The following TMEM30A variants were observed in gnomAD, a reference collection of about 807,000 sequenced individuals.
TMEM30A encodes cell cycle control protein 50A.
In TMEM30A, 24 loss-of-function variants were observed where a neutral mutation model predicts 38.2. That is an observed-to-expected ratio of 0.63 (90% CI 0.46 to 0.88). The LOEUF is 0.88. Ranked by LOEUF, TMEM30A falls within the 40% of genes least tolerant of loss-of-function variation. The pLI, the probability that TMEM30A is intolerant of heterozygous loss-of-function variation, is 0.00. For synonymous variants in TMEM30A, 145 were observed against 161.6 expected, an observed-to-expected ratio of 0.90 and a Z score of 0.78; for missense variants, 370 against 458.6, an observed-to-expected ratio of 0.81 and a Z score of 1.77.
intron 1 of TMEM30A, among the ~76,000 whole-genome samples, chr6:75,268,193 T>C (rs1235213342): frequency 6.6e-6 from 1 of 152,240 alleles, no homozygotes; most frequent in African/African-American, 2.4e-5. Flanking sequence ...GCTACTGTTT[T>C]TTCAACACCT....
chr6:75,256,024 G>T lies in TMEM30A; in HGVS notation c.*78C>A. ...CAACTTCAAAATGACATACTAACCA[G>T]ATATCAGCATTCGAAAGCTAGGTTG... On this transcript the variant is annotated 3_prime_UTR_variant, in exon 7 of 7. Transcript: ENST00000230461. 9.9e-7 allele frequency: 1 copy of T among 1,010,622 alleles called. No individual in the cohort carries two copies. The allele number at this position is 1,010,622 out of a possible 1,614,324, so 62.6% of individuals were successfully genotyped here. A position where few individuals can be genotyped will look rare whatever the true frequency, so the allele number is the denominator to read the frequency against.
chr6:75,278,813 T>C (rs1772306481), intron 1 of TMEM30A, among the ~76,000 whole-genome samples: 1 of 152,176 alleles, frequency 6.6e-6, no homozygotes, highest in South Asian at 2.1e-4. Context: ...CTCTTACTCC[T>C]ATTTTATCTA....
intron 3 of TMEM30A, among the ~76,000 whole-genome samples, chr6:75,264,246 C>T (rs1344146545): frequency 6.6e-6 from 1 of 152,200 alleles, no homozygotes; most frequent in Non-Finnish European, 1.5e-5. Flanking sequence ...CTGCTCACAA[C>T]ATAGTCCTAA....
chr6:75,284,363 C>G (rs560831671), intron 1 of TMEM30A, 39 bp downstream of exon 1: 1 of 1,595,806 alleles, frequency 6.3e-7, no homozygotes, highest in South Asian at 1.1e-5. Context: ...ACCCTCCTCC[C>G]GAGCAACGCC....
At chr6:75,259,664 T>G (rs1036530696) in intron 4 of TMEM30A, among the ~76,000 whole-genome samples, 174 bp from the exon 5 acceptor site, 2 of 152,258 alleles carry the variant, frequency 1.3e-5, no homozygotes, top group African/African-American at 4.8e-5. Context: ...GGTAACTTTA[T>G]AATTCTAGAT....
chr6:75,265,289 CGAT>C lies in TMEM30A; in HGVS notation c.392_394del (p.His131del). The C allele has an allele frequency of 6.2e-7, 1 of 1,611,538 alleles. No individual in the cohort carries two copies. Among genetic ancestry groups the C allele is most frequent in the Non-Finnish European group, 8.5e-7 (1 of 1,178,746 alleles). ...ATCATCTCGAGATTTCACGTAACGA[CGAT>C]GGTTTTGATAGAAATTAGACAGTCC... On this transcript the variant is annotated inframe_deletion, in exon 3 of 7. Coordinates refer to ENST00000230461, the MANE Select transcript of TMEM30A (RefSeq NM_018247.4).
chr6:75,254,101 A>C lies in TMEM30A; in HGVS notation c.*2001T>G, dbSNP rs1053122026. The C allele has an allele frequency of 6.6e-6, 1 of 152,170 alleles. No individual in the cohort carries two copies. The highest frequency in any genetic ancestry group is 1.5e-5 in the Non-Finnish European group (1 of 67,998). 9.4% of individuals were successfully genotyped at this position (152,170 alleles called of 1,614,324 possible). A position where few individuals can be genotyped will look rare whatever the true frequency, so the allele number is the denominator to read the frequency against. ...TAGAGATCAAACAGCAGAAAACAGGAGGAACTTAGGCCATCAATGGACTTG... is the reference window on the plus strand; with the variant it reads ...TAGAGATCAAACAGCAGAAAACAGGCGGAACTTAGGCCATCAATGGACTTG... On this transcript the variant is annotated 3_prime_UTR_variant, in exon 7 of 7. Transcript: ENST00000230461.
At chr6:75,278,633 G>A (rs1035169906) in intron 1 of TMEM30A, among the ~76,000 whole-genome samples, 1 of 152,086 alleles carries the variant, frequency 6.6e-6, no homozygotes, top group African/African-American at 2.4e-5. Context: ...GAACCTCCAT[G>A]ACAGCTTCAC....
In TMEM30A at chr6:75,256,204, A is replaced by G; in HGVS notation, c.984T>C (p.Ala328=). The change falls in exon 7 of 7, where the codon GCT becomes GCC. Residue 328 remains alanine, a synonymous_variant. Transcript: ENST00000230461. ...AGGAGATGGATCCAACAGCGATGTA[A>G]GCAATCCCCAAAAATGGATTTTTTC... ...MGGKNPFLGI[A]YIAVGSISFL... The G allele has an allele frequency of 6.2e-7, 1 of 1,613,644 alleles. No individual in the cohort carries two copies. The highest frequency in any genetic ancestry group is 8.5e-7 in the Non-Finnish European group (1 of 1,179,620).
chr6:75,264,412 G>A (rs1772027945), intron 3 of TMEM30A, among the ~76,000 whole-genome samples: 1 of 152,180 alleles, frequency 6.6e-6, no homozygotes, highest in Admixed American at 6.5e-5. Flanking sequence ...GAGGAGGGCA[G>A]ATCACCTGAA....
chr6:75,277,842 G>A (rs1020769551), intron 1 of TMEM30A, among the ~76,000 whole-genome samples: 4 of 152,152 alleles, frequency 2.6e-5, no homozygotes, highest in African/African-American at 9.7e-5. Flanking sequence ...GGAGTTTTGA[G>A]TTTGCAGTGC....
rs985205034 is a variant in TMEM30A, at chr6:75,253,575, G to A, written c.*2527C>T. On this transcript the variant is annotated 3_prime_UTR_variant, in exon 7 of 7. Transcript: ENST00000230461. ...GCTAAATGTAAGCAACAACACTGGA[G>A]CATTGTTATTTTATCAAGACACCTG... The A allele has an allele frequency of 6.6e-6, 1 of 152,602 alleles. No homozygotes were observed. The highest frequency in any genetic ancestry group is 2.4e-5 in the African/African-American group (1 of 41,434). 9.5% of individuals were successfully genotyped at this position (152,602 alleles called of 1,614,324 possible). A position where few individuals can be genotyped will look rare whatever the true frequency, so the allele number is the denominator to read the frequency against.
intron 3 of TMEM30A, among the ~76,000 whole-genome samples, chr6:75,262,382 C>T (rs773874927): frequency 7.9e-5 from 12 of 151,414 alleles, no homozygotes; most frequent in African/African-American, 1.9e-4. Context: ...CAGTGGTTCA[C>T]GCCTGTAATC....
Position 75,284,738 on chromosome 6 carries a change from C to T in TMEM30A, c.-100G>A, listed in dbSNP as rs1772438366. ...CGCTCGAGCGCCGCTGCCGCCGCCG[C>T]CGCCGCAGCCACCAGCGCCACCGCC... On this transcript the variant is annotated 5_prime_UTR_variant, in exon 1 of 7. Coordinates refer to ENST00000230461, the MANE Select transcript of TMEM30A (RefSeq NM_018247.4). 1 of 1,190,494 alleles carries T rather than the reference C, an allele frequency of 8.4e-7. No homozygotes were observed. Among genetic ancestry groups the T allele is most frequent in the Non-Finnish European group, 1.2e-6 (1 of 814,458 alleles). The allele number at this position is 1,190,494 out of a possible 1,614,324, so 73.7% of individuals were successfully genotyped here.
chr6:75,277,200 A>ATACAGGAAAC (rs372321063), intron 1 of TMEM30A, among the ~76,000 whole-genome samples: 2 of 152,080 alleles, frequency 1.3e-5, no homozygotes, highest in Non-Finnish European at 2.9e-5. Flanking sequence ...TGGAAAGAGA[A>ATACAGGAAAC]TACAGGAAAC....
intron 1 of TMEM30A, among the ~76,000 whole-genome samples, chr6:75,274,685 ACT>A (rs1330545944): frequency 1.3e-5 from 2 of 152,090 alleles, no homozygotes; most frequent in East Asian, 1.9e-4. Flanking sequence ...TGGTGATGCC[ACT>A]CTCTGTAAGG....
chr6:75,262,603 C>A (rs957437714), intron 3 of TMEM30A, among the ~76,000 whole-genome samples: 1 of 151,428 alleles, frequency 6.6e-6, no homozygotes, highest in African/African-American at 2.4e-5. Flanking sequence ...GATCGCACCA[C>A]TGCACTCCAG....
At chr6:75,258,270 G>A (rs75338319) in intron 6 of TMEM30A, among the ~76,000 whole-genome samples, 4,475 of 152,256 alleles carry the variant, frequency 0.029, 113 homozygotes, top group East Asian at 0.093. Context: ...TGGAATAAAT[G>A]TATTTATCAG....
chr6:75,269,478 A>G (rs1473002069), intron 1 of TMEM30A, among the ~76,000 whole-genome samples: 1 of 152,160 alleles, frequency 6.6e-6, no homozygotes, highest in Non-Finnish European at 1.5e-5. Context: ...TTCATAGTTC[A>G]TTTATTTTTA....
Sources: gnomAD v4.1 joint callset for allele counts (sites outside exome capture counted in the v4.1 genomes callset) on GRCh38, gnomAD v4.1.1 for gene constraint, MANE v1.5 for transcripts, NCBI Gene and HGNC (gene_info 2026-07-23, HGNC 2026-07-21) for gene names.